The following C11orf54 variants were observed in gnomAD, a reference collection of about 807,000 sequenced individuals.
The protein encoded by C11orf54 is beta-keto L-gulonate decarboxylase.
A neutral mutation model predicts 35.5 loss-of-function variants in C11orf54; 29 were observed. The observed-to-expected ratio is 0.82, with a 90% CI of 0.61 to 1.11. C11orf54 has a LOEUF of 1.11. Ranked by LOEUF, C11orf54 falls within the 50% of genes most tolerant of loss-of-function variation. The pLI is 0.00. For synonymous variants in C11orf54, 108 were observed against 121.1 expected (o/e 0.89, Z 0.71); for missense variants, 373 against 369.2 (o/e 1.01, Z -0.08).
intron 1 of C11orf54, among the ~76,000 whole-genome samples, chr11:93,745,354 CAGCTTT>C (rs1360615503): frequency 3.2e-4 from 48 of 152,278 alleles, no homozygotes; most frequent in Admixed American, 2.2e-3. Context: ...GAGGTCCCTG[CAGCTTT>C]CTGCAGTGCA....
In C11orf54 at chr11:93,757,378, G is replaced by A. The variant is rs751331386; in HGVS notation, c.570G>A (p.Glu190=). 13 of 1,598,216 alleles carry A rather than the reference G, an allele frequency of 8.1e-6. No homozygotes were observed. Among genetic ancestry groups the A allele is most frequent in the East Asian group, 2.2e-5 (1 of 44,876 alleles). Residue 190 remains glutamate (E), a synonymous_variant, in exon 7 of 9, where the codon GAG becomes GAA. Transcript: ENST00000354421. The stretch of plus-strand genomic sequence containing the variant: ...TTAACTTTGTGACTTGTATGAGAGA[G>A]ACCCTGGAAAAACATTATGGAAATA... ...GPLNFVTCMR[E]TLEKHYGNKP...
intron 8 of C11orf54, among the ~76,000 whole-genome samples, 155 bp from the exon 9 acceptor site, chr11:93,761,360 A>AAAAG (rs1943458438): frequency 1.3e-5 from 2 of 152,230 alleles, no homozygotes; most frequent in African/African-American, 4.8e-5. Flanking sequence ...GATACATTTT[A>AAAAG]CTGAATACAT....
At position 93,761,709 on chromosome 11, in the gene C11orf54, A is replaced by G; in HGVS notation, c.*21A>G. The G allele has an allele frequency of 6.6e-7, 1 of 1,513,560 alleles. No individual in the cohort carries two copies. The highest frequency in any genetic ancestry group is 1.2e-5 in the South Asian group (1 of 81,838). The allele number at this position is 1,513,560 out of a possible 1,614,324, so 93.8% of individuals were successfully genotyped here. A position where few individuals can be genotyped will look rare whatever the true frequency, so the allele number is the denominator to read the frequency against. ...ATTAAATCAGCTGATACTTATTTAG[A>G]AAAAGAAATAATTAAGGTTAATTAA... is the stretch of plus-strand genomic sequence containing the variant. On this transcript the variant is annotated 3_prime_UTR_variant, in exon 9 of 9. Transcript: ENST00000354421.
chr11:93,743,540 C>G (rs115646075), intron 1 of C11orf54, among the ~76,000 whole-genome samples: 2,897 of 152,226 alleles, frequency 0.019, 108 homozygotes, highest in African/African-American at 0.067. Context: ...GCGCTCCACC[C>G]TTTATGGGAG....
Position 93,743,927 on chromosome 11 carries a change from T to C in C11orf54, c.-98+2199T>C, listed in dbSNP as rs60309680. ...CCCAAGGCTGTATTCCTGGAGTTTATGTGAGAACCTAACTCCTTTCTCAGC... is the reference window on the plus strand; with the variant it reads ...CCCAAGGCTGTATTCCTGGAGTTTACGTGAGAACCTAACTCCTTTCTCAGC... On this transcript the variant is annotated intron_variant, in intron 1 of 8. Transcript: ENST00000354421. 5.5e-3 allele frequency among the ~76,000 whole-genome samples: 844 copies of C among 152,268 alleles called. 13 individuals carry two copies. Among genetic ancestry groups the C allele is most frequent in the African/African-American group, 0.019 (787 of 41,548 alleles).
chr11:93,749,416 G>C, intron 2 of C11orf54, among the ~76,000 whole-genome samples: 1 of 149,998 alleles, frequency 6.7e-6, no homozygotes, highest in Non-Finnish European at 1.5e-5. Flanking sequence ...TGGAGATCAA[G>C]GCTGAGTGAG....
At chr11:93,749,308 C>G (rs1164335837) in intron 2 of C11orf54, among the ~76,000 whole-genome samples, 1 of 151,824 alleles carries the variant, frequency 6.6e-6, no homozygotes, top group African/African-American at 2.4e-5. Context: ...AAGCCAAAAC[C>G]CCATTTTTAC....
At chr11:93,751,642 G>T (rs1942836785) in intron 3 of C11orf54, among the ~76,000 whole-genome samples, 1 of 151,756 alleles carries the variant, frequency 6.6e-6, no homozygotes. Flanking sequence ...CTGACCTCGT[G>T]ATCCGCCCAC....
chr11:93,749,574 G>A (rs1240062286), intron 2 of C11orf54, among the ~76,000 whole-genome samples: 1 of 151,678 alleles, frequency 6.6e-6, no homozygotes, highest in Non-Finnish European at 1.5e-5. Context: ...AGCACTTTGG[G>A]GGACCCAAGG....
intron 3 of C11orf54, among the ~76,000 whole-genome samples, chr11:93,751,490 T>C (rs1591346616): frequency 2.1e-5 from 3 of 141,428 alleles, no homozygotes; most frequent in East Asian, 4.6e-4. Context: ...CTGCAACCTC[T>C]GCCTCCCAGG....
At chr11:93,752,656 A>G (rs1288153453) in intron 3 of C11orf54, among the ~76,000 whole-genome samples, 1 of 150,572 alleles carries the variant, frequency 6.6e-6, no homozygotes, top group Non-Finnish European at 1.5e-5. Context: ...CTAGTAATCT[A>G]TCTGGGTATT....
intron 7 of C11orf54, among the ~76,000 whole-genome samples, chr11:93,758,580 C>G (rs554295594): frequency 6.6e-6 from 1 of 152,244 alleles, no homozygotes; most frequent in East Asian, 1.9e-4. Context: ...GCGCCTGCTC[C>G]GATCCAGGAG....
chr11:93,741,716 C>T lies in C11orf54; in HGVS notation c.-110C>T, dbSNP rs1434699394. 8.5e-6 allele frequency: 3 copies of T among 353,802 alleles called. No individual in the cohort carries two copies. Among genetic ancestry groups the T allele is most frequent in the East Asian group, 1.5e-4 (2 of 13,140 alleles). The allele number at this position is 353,802 out of a possible 1,614,324, so 21.9% of individuals were successfully genotyped here. On this transcript the variant is annotated 5_prime_UTR_variant, in exon 1 of 9. Transcript: ENST00000354421. ...ATCCGGACTCTGGGTGTTTTGCTAC[C>T]GTGACCGTTTAGGTGAGTGGAATAG...
At chr11:93,758,757 GC>G (rs1208280106) in intron 7 of C11orf54, among the ~76,000 whole-genome samples, 5 of 152,246 alleles carry the variant, frequency 3.3e-5, no homozygotes, top group African/African-American at 1.2e-4. Flanking sequence ...CTCCCCACTG[GC>G]CTTCAGGCAC....
At chr11:93,749,164 A>T (rs1382827388) in intron 2 of C11orf54, among the ~76,000 whole-genome samples, 1 of 149,888 alleles carries the variant, frequency 6.7e-6, no homozygotes, top group Non-Finnish European at 1.5e-5. Context: ...AAAAAAAAAG[A>T]CATTTTGTAA....
intron 5 of C11orf54, among the ~76,000 whole-genome samples, chr11:93,754,452 C>T (rs1187465852): frequency 2.0e-5 from 3 of 152,108 alleles, no homozygotes; most frequent in South Asian, 4.1e-4. Flanking sequence ...GAAACTATCA[C>T]AATAGTATGA....
chr11:93,752,961 T>C (rs1942925624), intron 3 of C11orf54, among the ~76,000 whole-genome samples: 1 of 152,066 alleles, frequency 6.6e-6, no homozygotes, highest in African/African-American at 2.4e-5. Context: ...TTAGCCAGGA[T>C]GGTCGCGATC....
At chr11:93,741,958 T>G in intron 1 of C11orf54, 1 of 172,874 alleles carries the variant, frequency 5.8e-6, no homozygotes, top group East Asian at 1.8e-4. Context: ...TATTTCTGCC[T>G]TCAGAAACCC....
In C11orf54 at chr11:93,752,098, C is replaced by T. The variant is rs771644379; in HGVS notation, c.155-1584C>T. The stretch of plus-strand genomic sequence containing the variant: ...CCAGTCTCAAGTGATGTGCCCGCCT[C>T]GGCCTCCCAAAGTGCTGGGATTACA... On this transcript the variant is annotated intron_variant, in intron 3 of 8. Coordinates refer to ENST00000354421, the MANE Select transcript of C11orf54 (RefSeq NM_001286069.2). 5.3e-5 allele frequency among the ~76,000 whole-genome samples: 8 copies of T among 152,106 alleles called. No homozygotes were observed. The East Asian group carries it at 5.8e-4, about 11-fold the overall frequency.
Sources: allele counts gnomAD v4.1 joint callset (sites outside exome capture counted in the v4.1 genomes callset), GRCh38; gene constraint gnomAD v4.1.1; transcripts MANE v1.5; gene names NCBI Gene and HGNC (gene_info 2026-07-23, HGNC 2026-07-21).